The following RALGPS1 variants were observed in gnomAD, a reference collection of about 807,000 sequenced individuals.
RALGPS1 encodes the protein ras-specific guanine nucleotide-releasing factor RalGPS1.
In RALGPS1, 19 loss-of-function variants were observed where a neutral mutation model predicts 78.8. The observed-to-expected ratio is 0.24, with a 90% CI of 0.17 to 0.35. The LOEUF is 0.35. Ranked by LOEUF, RALGPS1 falls within the 10% of genes least tolerant of loss-of-function variation. RALGPS1 has a pLI of 1.00. For synonymous variants in RALGPS1, 228 were observed against 256.3 expected, an observed-to-expected ratio of 0.89 and a Z score of 1.06; for missense variants, 454 against 688.3, an observed-to-expected ratio of 0.66 and a Z score of 3.81.
At chr9:126,925,158 A>G (rs1259515797) in intron 1 of RALGPS1, among the ~76,000 whole-genome samples, 1 of 151,960 alleles carries the variant, frequency 6.6e-6, no homozygotes, top group African/African-American at 2.4e-5. Context: ...ATAAATAAAT[A>G]TAAAAATAAA....
intron 11 of RALGPS1, among the ~76,000 whole-genome samples, chr9:127,179,838 C>T (rs2060108518): frequency 6.6e-6 from 1 of 152,180 alleles, no homozygotes; most frequent in African/African-American, 2.4e-5. Flanking sequence ...GCCTACCTGC[C>T]CTCACATTGA....
rs769360988 is a variant in RALGPS1 at position 127,136,508 on chromosome 9, C to T, written c.611-29561C>T. Among the ~76,000 whole-genome samples, 61 of 152,346 alleles carry T rather than the reference C, an allele frequency of 4.0e-4. No individual in the cohort carries two copies. In the Middle Eastern group the frequency reaches 0.01, roughly 25 times the overall value. On this transcript the variant is annotated intron_variant, in intron 8 of 18. Transcript: ENST00000259351. ...GTGGAGTTTGCATGCCAGCTCCCTG[C>T]ATGGGACTGTGTGCCTTGGGAGAGC...
At chr9:127,049,973 C>T in intron 5 of RALGPS1, 70 bp from the exon 6 acceptor site, 1 of 1,118,496 alleles carries the variant, frequency 8.9e-7, no homozygotes, top group Admixed American at 1.7e-5. Flanking sequence ...GCAAGGGGGA[C>T]ACGGGTGGTC....
chr9:126,918,844 G>A lies in RALGPS1; in HGVS notation c.-66+3869G>A, dbSNP rs144709204. Among the ~76,000 whole-genome samples, 1,229 of 151,948 alleles carry A rather than the reference G, an allele frequency of 8.1e-3. 16 individuals are homozygous for A. Among genetic ancestry groups the A allele is most frequent in the African/African-American group, 0.029 (1,193 of 41,430 alleles). ...TGCCCCACCACGCCTGGCTAATTTT[G>A]TATTTTTAGTAGAGGGGGTTTCTCC... On this transcript the variant is annotated intron_variant, in intron 1 of 18. Transcript: ENST00000259351.
intron 8 of RALGPS1, among the ~76,000 whole-genome samples, chr9:127,073,326 A>T (rs1157530115): frequency 6.6e-6 from 1 of 152,138 alleles, no homozygotes; most frequent in African/African-American, 2.4e-5. Context: ...TATGAGTGAG[A>T]ACATGTGATA....
intron 3 of RALGPS1, among the ~76,000 whole-genome samples, chr9:126,974,770 A>T (rs948182916): frequency 2.6e-5 from 4 of 152,050 alleles, no homozygotes; most frequent in Non-Finnish European, 4.4e-5. Context: ...TGCTGCTTGG[A>T]AACGAGAGTG....
chr9:126,980,009 T>G (rs914939917), intron 4 of RALGPS1, among the ~76,000 whole-genome samples: 2 of 152,190 alleles, frequency 1.3e-5, no homozygotes, highest in African/African-American at 4.8e-5. Context: ...TCAGAACTAG[T>G]TGCTTTAAGG....
At chr9:127,060,632 G>T (rs893363855) in intron 7 of RALGPS1, among the ~76,000 whole-genome samples, 5 of 152,196 alleles carry the variant, frequency 3.3e-5, no homozygotes, top group East Asian at 1.9e-4. Flanking sequence ...CTTATGGCCT[G>T]AACTGTCATC....
At chr9:126,959,524 C>T (rs1276749430) in intron 1 of RALGPS1, among the ~76,000 whole-genome samples, 2 of 152,006 alleles carry the variant, frequency 1.3e-5, no homozygotes, top group African/African-American at 4.8e-5. Flanking sequence ...CCTCTCCTTG[C>T]TCATGAAAGA....
At chr9:127,073,974 C>T (rs910152127) in intron 8 of RALGPS1, among the ~76,000 whole-genome samples, 28 of 152,142 alleles carry the variant, frequency 1.8e-4, no homozygotes, top group African/African-American at 5.3e-4. Flanking sequence ...CTCTGCCTCC[C>T]GGGTTCAAGC....
In RALGPS1 at chr9:127,073,218, C is replaced by T. The variant is rs74330958; in HGVS notation, c.610+3862C>T. Among the ~76,000 whole-genome samples, 5 of 152,332 alleles carry T rather than the reference C, an allele frequency of 3.3e-5. No individual in the cohort carries two copies. The East Asian group carries it at 7.7e-4, about 23-fold the overall frequency. ...TATGTTTGTATCCATTAACCAACCT[C>T]TCTTTATTCCTCCTTCCCACCCACA... On this transcript the variant is annotated intron_variant, in intron 8 of 18. Transcript: ENST00000259351.
intron 4 of RALGPS1, among the ~76,000 whole-genome samples, chr9:127,007,801 C>T (rs1168554308): frequency 1.3e-5 from 2 of 152,144 alleles, no homozygotes; most frequent in African/African-American, 4.8e-5. Flanking sequence ...ACAGGTCAGG[C>T]AGTGTGGATC....
At chr9:126,921,558 C>G (rs901284815) in intron 1 of RALGPS1, among the ~76,000 whole-genome samples, 1 of 152,216 alleles carries the variant, frequency 6.6e-6, no homozygotes, top group Non-Finnish European at 1.5e-5. Context: ...GCTTTCAAGT[C>G]TGTCGTGTTC....
chr9:127,080,160 T>G (rs2051043703), intron 8 of RALGPS1, among the ~76,000 whole-genome samples: 2 of 152,252 alleles, frequency 1.3e-5, no homozygotes, highest in South Asian at 4.1e-4. Context: ...CTGATTAGGG[T>G]CTGAGAGGGC....
chr9:127,027,935 A>G (rs1318981096), intron 4 of RALGPS1, among the ~76,000 whole-genome samples: 2 of 152,226 alleles, frequency 1.3e-5, no homozygotes, highest in Non-Finnish European at 2.9e-5. Context: ...TTGTGGATTC[A>G]GCAAGTTACA....
At chr9:127,059,737 T>A (rs1436063862) in intron 7 of RALGPS1, among the ~76,000 whole-genome samples, 1 of 151,956 alleles carries the variant, frequency 6.6e-6, no homozygotes, top group African/African-American at 2.4e-5. Flanking sequence ...GCTGCATAGA[T>A]CCCTCTGCTT....
intron 18 of RALGPS1, among the ~76,000 whole-genome samples, chr9:127,215,195 C>T (rs1236250372): frequency 1.3e-5 from 2 of 152,340 alleles, no homozygotes; most frequent in Admixed American, 6.5e-5. Context: ...CATGGGAATA[C>T]TCCAGACTCA....
chr9:127,063,554 T>G lies in RALGPS1; in HGVS notation c.484-5676T>G, dbSNP rs117276482. ...TATAAAAATTAGCTCTTAGATTTAG[T>G]TATCATTTCTATAGGTTTGATATTT... On this transcript the variant is annotated intron_variant, in intron 7 of 18. Coordinates refer to ENST00000259351, the MANE Select transcript of RALGPS1 (RefSeq NM_014636.3). Among the ~76,000 whole-genome samples the G allele has an allele frequency of 6.7e-3, 1,015 of 152,344 alleles. 42 individuals carry two copies. The highest frequency in any genetic ancestry group is 9.0e-3 in the Non-Finnish European group (615 of 68,030).
rs2059747775 is a variant in RALGPS1, at chr9:127,174,577, G to A, written c.843-138G>A. The A allele has an allele frequency of 9.2e-6, 7 of 760,526 alleles. No homozygotes were observed. The Admixed American group carries it at 1.4e-4, about 15-fold the overall frequency. The allele number at this position is 760,526 out of a possible 1,614,324, so 47.1% of individuals were successfully genotyped here. On this transcript the variant is annotated intron_variant, in intron 10 of 18. Coordinates refer to ENST00000259351, the MANE Select transcript of RALGPS1 (RefSeq NM_014636.3). Reference sequence around the variant, plus strand: ...GCTGTGGAAACCCCCGGAGACCTCAGAGGGAAGTGACTGTGATCTGGAGCA... The same window carrying A: ...GCTGTGGAAACCCCCGGAGACCTCAAAGGGAAGTGACTGTGATCTGGAGCA...
Sources: allele counts gnomAD v4.1 joint callset (sites outside exome capture counted in the v4.1 genomes callset), GRCh38; gene constraint gnomAD v4.1.1; transcripts MANE v1.5; gene names NCBI Gene and HGNC (gene_info 2026-07-23, HGNC 2026-07-21).